The following RBM6 variants were observed in gnomAD, a reference collection of about 807,000 sequenced individuals.
RBM6 encodes RNA-binding protein 6.
RBM6 carries 23 observed loss-of-function variants against 140.4 expected under a neutral mutation model. The observed-to-expected ratio is 0.16, with a 90% confidence interval of 0.12 to 0.23. The LOEUF is 0.23. Among genes scored for constraint, RBM6 ranks in the 10% least tolerant of loss-of-function variants. The pLI is 1.00. For missense variants in RBM6, 1,139 were observed against 1,386.7 expected, an observed-to-expected ratio of 0.82 and a Z score of 2.84; for synonymous variants, 439 against 475.6, an observed-to-expected ratio of 0.92 and a Z score of 1.00.
intron 5 of RBM6, among the ~76,000 whole-genome samples, chr3:49,984,229 G>A (rs1269790008): frequency 1.3e-5 from 2 of 152,168 alleles, no homozygotes; most frequent in Admixed American, 1.3e-4. Context: ...CTAGGGAGGT[G>A]AGGGTGGAGG....
At chr3:50,031,220 TC>T (rs779494944) in intron 6 of RBM6, among the ~76,000 whole-genome samples, 130 of 152,148 alleles carry the variant, frequency 8.5e-4, no homozygotes, top group African/African-American at 1.7e-3. Flanking sequence ...GACCCAGCCA[TC>T]CCATTACTGG....
Position 49,982,262 on chromosome 3 carries a change from C to CTTTTTTT in RBM6, c.1483+6892_1483+6898dup, listed in dbSNP as rs751604271. 1.4e-3 allele frequency among the ~76,000 whole-genome samples: 97 copies of CTTTTTTT among 68,388 alleles called. 2 individuals are homozygous for CTTTTTTT. Among genetic ancestry groups the CTTTTTTT allele is most frequent in the African/African-American group, 1.8e-3 (31 of 16,762 alleles). The allele number at this position is 68,388 out of a possible 152,430, so 44.9% of individuals were successfully genotyped here. ...GTACCTTCTGCATTTCTTTTCTTTTCTTTTTTTTTTTTTTTTTTTTTTTTT... is the reference window on the plus strand; with the variant it reads ...GTACCTTCTGCATTTCTTTTCTTTTCTTTTTTTTTTTTTTTTTTTTTTTTTTTTTTTT... On this transcript the variant is annotated intron_variant, in intron 5 of 20. Transcript: ENST00000266022.
chr3:50,023,235 T>C (rs2087609536), intron 6 of RBM6, among the ~76,000 whole-genome samples: 1 of 152,196 alleles, frequency 6.6e-6, no homozygotes, highest in Non-Finnish European at 1.5e-5. Flanking sequence ...CTTCTTCTTC[T>C]TTCTTCTTTT....
rs1015434793 is a variant in RBM6, at chr3:50,007,913, T to C, written c.1557+8400T>C. 2.6e-5 allele frequency among the ~76,000 whole-genome samples: 4 copies of C among 152,166 alleles called. No individual in the cohort carries two copies. In the East Asian group the frequency reaches 7.7e-4, roughly 29 times the overall value. ...GAGTATGTTTAGGCCATGTAGGAAATCTAGCCTGTGGCTTTAAAACCGTAA... is the reference window on the plus strand; with the variant it reads ...GAGTATGTTTAGGCCATGTAGGAAACCTAGCCTGTGGCTTTAAAACCGTAA... On this transcript the variant is annotated intron_variant, in intron 6 of 20. Transcript: ENST00000266022.
At chr3:49,963,774 T>G (rs1347788558) in intron 2 of RBM6, among the ~76,000 whole-genome samples, 1 of 152,228 alleles carries the variant, frequency 6.6e-6, no homozygotes, top group African/African-American at 2.4e-5. Flanking sequence ...TTACAATTAA[T>G]GAGATGCTAT....
chr3:50,046,260 G>T (rs1192071032), intron 6 of RBM6, among the ~76,000 whole-genome samples: 4 of 133,724 alleles, frequency 3.0e-5, no homozygotes. Context: ...GAGAGTGAGT[G>T]ACAGAGCAAG....
rs2090423803 is a variant in RBM6, at chr3:50,075,211, C to T, written c.3127C>T (p.Leu1043Phe). The T allele has an allele frequency of 1.2e-6, 2 of 1,612,650 alleles. No individual in the cohort carries two copies. The highest frequency in any genetic ancestry group is 1.7e-6 in the Non-Finnish European group (2 of 1,179,394). ...YSRETDSDRK[L>F]VDKEDIDTSS... is the part of the protein sequence containing the mutation. ...CTGCTTCTTTTGCAGTGATCGTAAA[C>T]TTGTTGATAAAGAAGATATCGACAC... The change falls in exon 20 of 21, where the codon CTT becomes TTT. Residue 1043 changes from leucine (L) to phenylalanine (F), a missense_variant. By Grantham distance (22) the Leu-to-Phe change is conservative. This residue lies in a region of RBM6 where 125 missense variants were observed against 142.0 expected (regional missense o/e 0.88). Coordinates refer to ENST00000266022, the MANE Select transcript of RBM6 (RefSeq NM_005777.3).
chr3:50,041,312 A>G (rs1284404107), intron 6 of RBM6, among the ~76,000 whole-genome samples: 5 of 152,174 alleles, frequency 3.3e-5, no homozygotes, highest in African/African-American at 7.2e-5. Flanking sequence ...TAAAAAGTCT[A>G]GTCAAAATGG....
chr3:50,026,992 T>A (rs1270930979), intron 6 of RBM6, among the ~76,000 whole-genome samples: 1 of 151,974 alleles, frequency 6.6e-6, no homozygotes, highest in Admixed American at 6.6e-5. Context: ...TGTTCCTGGG[T>A]CGTCAGATAG....
intron 6 of RBM6, among the ~76,000 whole-genome samples, chr3:50,017,717 A>G (rs534658541): frequency 1.3e-5 from 2 of 152,150 alleles, no homozygotes; most frequent in Non-Finnish European, 2.9e-5. Context: ...TTTTCTCTCA[A>G]TCTGTGCATT....
intron 5 of RBM6, among the ~76,000 whole-genome samples, chr3:49,986,972 C>T (rs939475658): frequency 3.3e-5 from 5 of 151,950 alleles, no homozygotes; most frequent in East Asian, 1.9e-4. Flanking sequence ...TTTGTAGAGA[C>T]GAGGTTTTGC....
intron 3 of RBM6, among the ~76,000 whole-genome samples, chr3:49,969,945 T>G (rs978443107): frequency 2.6e-5 from 4 of 152,008 alleles, no homozygotes; most frequent in Admixed American, 2.0e-4. Flanking sequence ...GTTGTGTTTT[T>G]TTTTTTCTTT....
intron 5 of RBM6, among the ~76,000 whole-genome samples, chr3:49,982,560 A>G (rs1369426946): frequency 1.4e-5 from 2 of 146,736 alleles, no homozygotes; most frequent in Middle Eastern, 3.7e-3. Flanking sequence ...GCTTACAGGC[A>G]CCCGCCACCA....
At chr3:50,019,009 T>C (rs946391888) in intron 6 of RBM6, among the ~76,000 whole-genome samples, 10 of 152,070 alleles carry the variant, frequency 6.6e-5, no homozygotes, top group Non-Finnish European at 1.0e-4. Context: ...TGCCAGCATT[T>C]GGATGGTAGC....
At chr3:50,061,851 G>C in intron 14 of RBM6, 111 bp from the exon 15 acceptor site, 1 of 1,398,304 alleles carries the variant, frequency 7.2e-7, no homozygotes, top group Non-Finnish European at 9.6e-7. Flanking sequence ...TCTTAGACTT[G>C]TAAGTAAAAA....
At chr3:50,033,621 C>T (rs1419712985) in intron 6 of RBM6, among the ~76,000 whole-genome samples, 1 of 151,974 alleles carries the variant, frequency 6.6e-6, no homozygotes, top group Non-Finnish European at 1.5e-5. Flanking sequence ...CCATGTTTTG[C>T]CTGAGCAGCT....
intron 1 of RBM6, among the ~76,000 whole-genome samples, chr3:49,955,089 T>G (rs181958422): frequency 4.0e-5 from 6 of 151,856 alleles, no homozygotes; most frequent in Admixed American, 2.6e-4. Context: ...TAATACATAA[T>G]AGCTTATCCT....
intron 6 of RBM6, 127 bp from the exon 7 acceptor site, chr3:50,048,118 C>CT: frequency 6.8e-7 from 1 of 1,465,372 alleles, no homozygotes; most frequent in Non-Finnish European, 9.0e-7. Flanking sequence ...TTTCCTTTCA[C>CT]CAGTGAATTA....
intron 1 of RBM6, among the ~76,000 whole-genome samples, chr3:49,947,578 T>TCAA (rs1382809821): frequency 2.6e-5 from 4 of 152,222 alleles, no homozygotes; most frequent in Non-Finnish European, 5.9e-5. Context: ...TGTCTTTTGA[T>TCAA]GCACAGAGGT....
Sources: allele counts gnomAD v4.1 joint callset (sites outside exome capture counted in the v4.1 genomes callset), GRCh38; gene constraint gnomAD v4.1.1; regional missense constraint gnomAD v4.1.1; transcripts MANE v1.5; gene names NCBI Gene and HGNC (gene_info 2026-07-23, HGNC 2026-07-21).